The following PDZD7 variants were observed in gnomAD, a reference collection of about 807,000 sequenced individuals.
The protein encoded by PDZD7 is PDZ domain containing 7.
PDZD7 carries 72 observed loss-of-function variants against 84.7 expected under a neutral mutation model. The ratio of observed to expected loss-of-function variants is 0.85; its 90% CI spans 0.70 to 1.03. The LOEUF (loss-of-function observed/expected upper bound fraction) is 1.03. Ranked by LOEUF, PDZD7 falls within the 50% of genes least tolerant of loss-of-function variation. The probability of loss-of-function intolerance (pLI) is 0.00; values close to 1 mark genes in which losing one functional copy is unlikely to be tolerated. For synonymous variants in PDZD7, 594 were observed against 580.7 expected (o/e 1.02, Z -0.33); for missense variants, 1,490 against 1,412.9 (o/e 1.05, Z -0.87).
chr10:101,008,640 G>T lies in PDZD7; in HGVS notation c.2929C>A (p.His977Asn). The T allele has an allele frequency of 6.5e-7, 1 of 1,535,916 alleles. No individual in the cohort carries two copies. ...GGLPADHLPAHQPLDAAPVPA... is the reference protein window; with the variant it reads ...GGLPADHLPANQPLDAAPVPA... Reference sequence around the variant, plus strand: ...ACTGGAGCAGCATCAAGGGGTTGGTGGGCAGGCAAGTGGTCAGCAGGAAGG... The same window carrying T: ...ACTGGAGCAGCATCAAGGGGTTGGTTGGCAGGCAAGTGGTCAGCAGGAAGG... The change falls in exon 17 of 17, where the codon CAC (histidine) becomes AAC (asparagine). Residue 977 changes from histidine (H) to asparagine (N), a missense_variant. Physicochemically the swap from His to Asn is moderately conservative, Grantham distance 68. Coordinates refer to ENST00000619208, the MANE Select transcript of PDZD7 (RefSeq NM_001195263.2).
In PDZD7 at chr10:101,008,472, G is replaced by A; in HGVS notation, c.3097C>T (p.Pro1033Ser). ...DSKPAPSPRIP is the reference protein window; with the variant it reads ...DSKPAPSPRIS ...ATCTGAGGTTAGGGGGAGGGTCATG[G>A]GATGCGTGGGGAGGGTGCGGGCTTA... Residue 1033 changes from proline to serine, a missense_variant, in exon 17 of 17, where the codon CCA (proline) becomes TCA (serine). By Grantham distance (74) the Pro-to-Ser change is moderately conservative (BLOSUM62 -1). Transcript: ENST00000619208. 6.6e-7 allele frequency: 1 copy of A among 1,511,584 alleles called. No individual in the cohort carries two copies. Among genetic ancestry groups the A allele is most frequent in the South Asian group, 1.3e-5 (1 of 79,568 alleles). 93.6% of individuals were successfully genotyped at this position (1,511,584 alleles called of 1,614,324 possible).
At chr10:101,011,475 G>T in intron 14 of PDZD7, 1 of 1,337,618 alleles carries the variant, frequency 7.5e-7, no homozygotes. Context: ...TTTTAAAAGT[G>T]AGTGGGTTTC....
At position 101,010,408 on chromosome 10, in the gene PDZD7, A is replaced by T; in HGVS notation, c.2481T>A (p.Asp827Glu). Residue 827 changes from aspartate to glutamate, a missense_variant, in exon 15 of 17, where the codon GAT (aspartate) becomes GAA (glutamate). Coordinates refer to ENST00000619208, the MANE Select transcript of PDZD7 (RefSeq NM_001195263.2). The stretch of plus-strand genomic sequence containing the variant: ...TGGCCCCCACCTTGGCTGCCTCCCC[A>T]TCCAGAGGTCGTGGCAGAGGGGGTC... ...KARPPLPRPL[D>E]GEAAKVGAKQ... is the part of the protein sequence containing the mutation. The T allele has an allele frequency of 6.5e-7, 1 of 1,535,948 alleles. No individual in the cohort carries two copies. Among genetic ancestry groups the T allele is most frequent in the Non-Finnish European group, 8.7e-7 (1 of 1,146,858 alleles).
At chr10:101,017,900 G>A (rs1852783171) in intron 9 of PDZD7, 199 bp downstream of exon 9, 1 of 453,002 alleles carries the variant, frequency 2.2e-6, no homozygotes. Flanking sequence ...AGAAAAGAAA[G>A]AAAGAAAGAA....
rs201276268 is a variant in PDZD7 at position 101,030,086 on chromosome 10, C to T, written c.134G>A (p.Arg45Lys). The part of the protein sequence containing the change: ...SGSTATRYLL[R>K]KQQRLLNGPP... ...CCCGTTCAGCAGCCGTTGTTGCTTCCTTAGCAGGTATCGCGTTGCGGTGGA... is the reference window on the plus strand; with the variant it reads ...CCCGTTCAGCAGCCGTTGTTGCTTCTTTAGCAGGTATCGCGTTGCGGTGGA... The change falls in exon 2 of 17, where the codon AGG (arginine) becomes AAG (lysine). Residue 45 changes from arginine to lysine, a missense_variant. Physicochemically the swap from Arg to Lys is conservative, Grantham distance 26 (BLOSUM62 2). Coordinates refer to ENST00000619208, the MANE Select transcript of PDZD7 (RefSeq NM_001195263.2). 31 of 1,614,236 alleles carry T rather than the reference C, an allele frequency of 1.9e-5. 1 individual carries two copies. In the Admixed American group the frequency reaches 4.8e-4, roughly 25 times the overall value.
In PDZD7 at chr10:101,009,239, G is replaced by A; in HGVS notation, c.2718+11C>T. 2.6e-6 allele frequency: 4 copies of A among 1,531,372 alleles called. No homozygotes were observed. Among genetic ancestry groups the A allele is most frequent in the Non-Finnish European group, 3.5e-6 (4 of 1,142,674 alleles). The allele number at this position is 1,531,372 out of a possible 1,614,324, so 94.9% of individuals were successfully genotyped here. ...GCTCTGAGAGGGTGGGCCAGGGCATGCTTCACCCACCTGCAGGGCCCCACT... is the reference window on the plus strand; with the variant it reads ...GCTCTGAGAGGGTGGGCCAGGGCATACTTCACCCACCTGCAGGGCCCCACT... On this transcript the variant is annotated intron_variant, in intron 16 of 16. Transcript: ENST00000619208.
At chr10:101,017,874 A>AGAAAGAAG in intron 9 of PDZD7, 1 of 376,760 alleles carries the variant, frequency 2.7e-6, no homozygotes, top group Admixed American at 5.5e-5. Flanking sequence ...AAAGAAAGAA[A>AGAAAGAAG]GAAAGAAAGA....
intron 13 of PDZD7, 63 bp downstream of exon 13, chr10:101,011,862 C>CG: frequency 1.3e-6 from 2 of 1,549,386 alleles, no homozygotes; most frequent in Non-Finnish European, 8.7e-7. Flanking sequence ...CTCTCCACCA[C>CG]GGGGTCCCAT....
rs138566305 is a variant in PDZD7, at chr10:101,029,406, T to C, written c.226+588A>G. 8.3e-3 allele frequency among the ~76,000 whole-genome samples: 1,268 copies of C among 152,298 alleles called. 12 individuals are homozygous for C. The highest frequency in any genetic ancestry group is 0.012 in the Non-Finnish European group (833 of 68,008). ...AGAATTGTGCTCCATGAAGCGGCATTAAGCAACTACATAAGCTTAGGTCTC... is the reference window on the plus strand; with the variant it reads ...AGAATTGTGCTCCATGAAGCGGCATCAAGCAACTACATAAGCTTAGGTCTC... On this transcript the variant is annotated intron_variant, in intron 2 of 16. Transcript: ENST00000619208.
At chr10:101,009,085 T>A (rs1852308975) in intron 16 of PDZD7, among the ~76,000 whole-genome samples, 165 bp downstream of exon 16, 1 of 151,928 alleles carries the variant, frequency 6.6e-6, no homozygotes, top group South Asian at 2.1e-4. Context: ...GGGACAGAGT[T>A]TTCCCTGGGC....
In PDZD7 at chr10:101,010,498, TG is replaced by T. The variant is rs1852355489; in HGVS notation, c.2390del (p.Pro797HisfsTer11). ...TGGGGGCAGGGGTAGGCACCGGGGA[TG>T]GGGAGCGTCTACCTGGAGACTTGCC... ...GQGKSPGRRS[P>X]SPVPTPAPSM... On this transcript the variant is annotated frameshift_variant, in exon 15 of 17. Transcript: ENST00000619208. LOFTEE classifies it high-confidence loss of function. 1 of 1,533,696 alleles carries T rather than the reference TG, an allele frequency of 6.5e-7. No homozygotes were observed. The highest frequency in any genetic ancestry group is 2.0e-5 in the Admixed American group (1 of 50,884).
chr10:101,026,815 G>A (rs1937737729), intron 2 of PDZD7, among the ~76,000 whole-genome samples: 1 of 151,952 alleles, frequency 6.6e-6, no homozygotes, highest in African/African-American at 2.4e-5. Context: ...CAGGACAGAT[G>A]TGGGGGGCCA....
intron 4 of PDZD7, among the ~76,000 whole-genome samples, chr10:101,022,952 A>T (rs1284969496): frequency 6.7e-6 from 1 of 150,016 alleles, no homozygotes; most frequent in Non-Finnish European, 1.5e-5. Context: ...TTTTATTTTT[A>T]GTACAGACGG....
chr10:101,010,756 A>G lies in PDZD7; in HGVS notation c.2133T>C (p.His711=). The change falls in exon 15 of 17, where the codon CAT becomes CAC. Residue 711 remains histidine, a synonymous_variant. Transcript: ENST00000619208. ...SPSASAPRHP[H]KGIPPLQDVP... ...CGTCTTGTAGAGGGGGGATCCCTTTATGGGGGTGGCGAGGGGCAGAGGCAC... is the reference window on the plus strand; with the variant it reads ...CGTCTTGTAGAGGGGGGATCCCTTTGTGGGGGTGGCGAGGGGCAGAGGCAC... The G allele has an allele frequency of 6.8e-7, 1 of 1,480,884 alleles. No individual in the cohort carries two copies. The highest frequency in any genetic ancestry group is 1.2e-5 in the South Asian group (1 of 83,064). 91.7% of individuals were successfully genotyped at this position (1,480,884 alleles called of 1,614,324 possible).
chr10:101,022,356 A>G lies in PDZD7; in HGVS notation c.572T>C (p.Val191Ala), dbSNP rs118098246. The G allele has an allele frequency of 5.1e-5, 82 of 1,614,042 alleles. No homozygotes were observed. The highest frequency in any genetic ancestry group is 6.8e-5 in the Non-Finnish European group (80 of 1,180,028). Residue 191 changes from valine (V) to alanine (A), a missense_variant, in exon 5 of 17, where the codon GTG (valine) becomes GCG (alanine). Coordinates refer to ENST00000619208, the MANE Select transcript of PDZD7 (RefSeq NM_001195263.2). Reference protein sequence around the residue: ...WVDVVNRRLVVEKCGSTPSDT... With the variant: ...WVDVVNRRLVAEKCGSTPSDT... ...GGAGGGTGTTGAACCGCACTTCTCC[A>G]CTACCAGGCGCCGATTCACCACATC...
rs1419778223 is a variant in PDZD7 at position 101,018,959 on chromosome 10, G to T, written c.1187C>A (p.Ala396Asp). Residue 396 changes from alanine (A) to aspartate (D), a missense_variant, in exon 8 of 17, where the codon GCC (alanine) becomes GAC (aspartate). Coordinates refer to ENST00000619208, the MANE Select transcript of PDZD7 (RefSeq NM_001195263.2). ...GGGATGGGGGCCGTCCGAGCGGATG[G>T]CGGTGTCCCTGAGGATGACTGTGGG... ...VRPTVILRDTAIRSDGPHPGR... is the reference protein window; with the variant it reads ...VRPTVILRDTDIRSDGPHPGR... The T allele has an allele frequency of 1.3e-6, 2 of 1,597,184 alleles. No homozygotes were observed. Among genetic ancestry groups the T allele is most frequent in the Admixed American group, 3.5e-5 (2 of 57,468 alleles).
chr10:101,008,080 T>C lies in PDZD7; in HGVS notation c.*387A>G. 8.4e-6 allele frequency: 2 copies of C among 238,510 alleles called. No individual in the cohort carries two copies. Among genetic ancestry groups the C allele is most frequent in the Non-Finnish European group, 8.1e-6 (1 of 122,968 alleles). 14.8% of individuals were successfully genotyped at this position (238,510 alleles called of 1,614,324 possible). ...CAGAATGCTGCTTGGGGTTGAGGAA[T>C]GGATGCATTGACCCCTTCAGGGCCC... On this transcript the variant is annotated 3_prime_UTR_variant, in exon 17 of 17. Transcript: ENST00000619208.
intron 16 of PDZD7, 132 bp from the exon 17 acceptor site, chr10:101,008,982 A>G (rs1852305566): frequency 8.3e-7 from 1 of 1,212,024 alleles, no homozygotes. Context: ...GGGGATGGAC[A>G]ATGAGACTTT....
At position 101,030,045 on chromosome 10, in the gene PDZD7, G is replaced by A. The variant is rs1364618100; in HGVS notation, c.175C>T (p.Arg59Ter). ...ACGCGTCCCATGGGCGATGAGGCTC[G>A]GATTCCGCGGGGGGGCCCGTTCAGC... ...RLLNGPPRGI[R>*]ASSPMGRVIL... The change falls in exon 2 of 17, where the codon CGA (arginine) becomes TGA (stop). Residue 59 changes from arginine to a stop codon, truncating the protein, a stop_gained. Coordinates refer to ENST00000619208, the MANE Select transcript of PDZD7 (RefSeq NM_001195263.2). LOFTEE classifies it high-confidence loss of function. The A allele has an allele frequency of 2.5e-6, 4 of 1,613,946 alleles. No individual in the cohort carries two copies. Among genetic ancestry groups the A allele is most frequent in the Non-Finnish European group, 2.5e-6 (3 of 1,180,024 alleles).
Sources: allele counts gnomAD v4.1 joint callset (sites outside exome capture counted in the v4.1 genomes callset), GRCh38; gene constraint gnomAD v4.1.1; transcripts MANE v1.5; gene names NCBI Gene and HGNC (gene_info 2026-07-23, HGNC 2026-07-21).